Variants in ABTB2 observed in about 807,000 individuals in gnomAD.
ABTB2 encodes the protein ankyrin repeat and BTB/POZ domain-containing protein 2.
Under a neutral mutation model 104.1 loss-of-function variants are expected in ABTB2, and 56 were observed. The observed-to-expected ratio is 0.54, with a 90% CI of 0.43 to 0.67. The LOEUF is 0.67. ABTB2 is among the 30% of genes least tolerant of loss of function. The probability of loss-of-function intolerance (pLI) is 0.00; values close to 1 mark genes in which losing one functional copy is unlikely to be tolerated. For missense variants in ABTB2, 1,279 were observed against 1,407.7 expected, an observed-to-expected ratio of 0.91 and a Z score of 1.46; for synonymous variants, 606 against 608.2, an observed-to-expected ratio of 1.00 and a Z score of 0.05.
chr11:34,307,889 G>C (rs573651974), intron 1 of ABTB2, among the ~76,000 whole-genome samples: 291 of 152,330 alleles, frequency 1.9e-3, no homozygotes, highest in African/African-American at 6.3e-3. Flanking sequence ...AGTAGAGACA[G>C]GGTTTCACCA....
At chr11:34,292,197 C>A (rs949267484) in intron 1 of ABTB2, among the ~76,000 whole-genome samples, 3 of 152,146 alleles carry the variant, frequency 2.0e-5, no homozygotes, top group Non-Finnish European at 4.4e-5. Flanking sequence ...TCATCCTATA[C>A]CCTGCTCCCT....
intron 1 of ABTB2, among the ~76,000 whole-genome samples, chr11:34,343,688 G>C (rs993380095): frequency 6.8e-6 from 1 of 147,144 alleles, no homozygotes. Context: ...TGGCCAGGCT[G>C]GTCTCGAACT....
chr11:34,354,286 G>A, intron 1 of ABTB2, among the ~76,000 whole-genome samples: 1 of 152,082 alleles, frequency 6.6e-6, no homozygotes, highest in Non-Finnish European at 1.5e-5. Context: ...GGATTAAGGA[G>A]GATTGTTTGG....
intron 1 of ABTB2, among the ~76,000 whole-genome samples, chr11:34,254,172 T>A (rs1332426335): frequency 6.6e-6 from 1 of 152,198 alleles, no homozygotes; most frequent in Non-Finnish European, 1.5e-5. Context: ...ATTACCCCCA[T>A]TTGTACTGCA....
intron 1 of ABTB2, among the ~76,000 whole-genome samples, chr11:34,279,527 G>A (rs917543327): frequency 7.9e-5 from 12 of 152,218 alleles, no homozygotes. Flanking sequence ...GCCAGAATCT[G>A]AACTCAGATC....
chr11:34,206,619 T>C (rs989975425), intron 1 of ABTB2, among the ~76,000 whole-genome samples: 2 of 152,198 alleles, frequency 1.3e-5, no homozygotes, highest in Non-Finnish European at 2.9e-5. Context: ...GTGTGGCTGG[T>C]GCATATGACA....
intron 6 of ABTB2, 94 bp downstream of exon 6, chr11:34,167,809 T>C (rs1328202628): frequency 2.3e-6 from 3 of 1,311,918 alleles, no homozygotes; most frequent in South Asian, 1.2e-5. Flanking sequence ...TCTACTCAGT[T>C]GCCCAAAACA....
At chr11:34,349,936 G>T (rs1031548062) in intron 1 of ABTB2, among the ~76,000 whole-genome samples, 1 of 152,208 alleles carries the variant, frequency 6.6e-6, no homozygotes, top group African/African-American at 2.4e-5. Flanking sequence ...CAGCCAGGCA[G>T]CCCCACCCCG....
At chr11:34,242,348 C>T (rs1853929362) in intron 1 of ABTB2, 1 of 152,386 alleles carries the variant, frequency 6.6e-6, no homozygotes, top group Non-Finnish European at 1.5e-5. Flanking sequence ...GACACCCAGA[C>T]TACTCTAGGA....
chr11:34,243,604 C>A (rs527302172), intron 1 of ABTB2, among the ~76,000 whole-genome samples: 1 of 152,214 alleles, frequency 6.6e-6, no homozygotes, highest in African/African-American at 2.4e-5. Flanking sequence ...CCTAGTCTTA[C>A]GCGATTTTAC....
intron 1 of ABTB2, among the ~76,000 whole-genome samples, chr11:34,244,406 C>T (rs373045511): frequency 1.3e-5 from 2 of 152,154 alleles, no homozygotes; most frequent in East Asian, 1.9e-4. Flanking sequence ...AAACCCTGCA[C>T]ATTTTTAGCA....
At chr11:34,349,248 G>T (rs1345605510) in intron 1 of ABTB2, among the ~76,000 whole-genome samples, 2 of 152,154 alleles carry the variant, frequency 1.3e-5, no homozygotes, top group Non-Finnish European at 2.9e-5. Context: ...GCTCTCTGGG[G>T]GCCTGGAGCT....
At chr11:34,188,082 CA>C in intron 3 of ABTB2, among the ~76,000 whole-genome samples, 1 of 152,224 alleles carries the variant, frequency 6.6e-6, no homozygotes. Flanking sequence ...TCGCCCCTCA[CA>C]AAAAATTCTG....
intron 1 of ABTB2, among the ~76,000 whole-genome samples, chr11:34,274,973 G>C (rs147574916): frequency 6.6e-6 from 1 of 152,122 alleles, no homozygotes; most frequent in African/African-American, 2.4e-5. Context: ...TCCGACTCCC[G>C]CCTGGGGCCT....
intron 1 of ABTB2, among the ~76,000 whole-genome samples, chr11:34,216,814 G>T (rs1289293419): frequency 6.6e-6 from 1 of 152,182 alleles, no homozygotes; most frequent in Non-Finnish European, 1.5e-5. Flanking sequence ...TGCATGGCTT[G>T]ATATTCCAGA....
intron 1 of ABTB2, among the ~76,000 whole-genome samples, chr11:34,236,215 C>T (rs1853841242): frequency 6.6e-6 from 1 of 151,972 alleles, no homozygotes; most frequent in South Asian, 2.1e-4. Context: ...AGTTTTTTCC[C>T]TGGAAAGAAG....
chr11:34,257,071 C>G (rs1854132283), intron 1 of ABTB2, among the ~76,000 whole-genome samples: 1 of 152,218 alleles, frequency 6.6e-6, no homozygotes, highest in Non-Finnish European at 1.5e-5. Context: ...TCTGAATATA[C>G]AGTGCAACTT....
Position 34,167,341 on chromosome 11 carries a change from C to G in ABTB2, c.1673G>C (p.Arg558Thr). The change falls in exon 7 of 17, where the codon AGG (arginine) becomes ACG (threonine). Residue 558 changes from arginine to threonine, a missense_variant. Transcript: ENST00000435224. The stretch of plus-strand genomic sequence containing the variant: ...GCTGTCGGGGTGGATGGAAGGGTGC[C>G]TGGGGGAGTTGCTTGGAACCTGGAA... Reference protein sequence around the residue: ...LDIQVPSNSPRHPSIHPDSRH... With the variant: ...LDIQVPSNSPTHPSIHPDSRH... 1 of 1,613,212 alleles carries G rather than the reference C, an allele frequency of 6.2e-7. No individual in the cohort carries two copies. The highest frequency in any genetic ancestry group is 8.5e-7 in the Non-Finnish European group (1 of 1,179,628).
At chr11:34,315,781 A>G (rs188830823) in intron 1 of ABTB2, among the ~76,000 whole-genome samples, 2 of 152,264 alleles carry the variant, frequency 1.3e-5, no homozygotes, top group East Asian at 3.9e-4. Context: ...TGACACGAGC[A>G]GCCACCCCCC....
Sources: gnomAD v4.1 joint callset for allele counts (sites outside exome capture counted in the v4.1 genomes callset) on GRCh38, gnomAD v4.1.1 for gene constraint, MANE v1.5 for transcripts, NCBI Gene and HGNC (gene_info 2026-07-23, HGNC 2026-07-21) for gene names.